The following CPD variants were observed in gnomAD, a reference collection of about 807,000 sequenced individuals.
CPD encodes the protein metallocarboxypeptidase D.
CPD carries 69 observed loss-of-function variants against 138.3 expected under a neutral mutation model. The observed-to-expected ratio is 0.50, with a 90% CI of 0.41 to 0.61. CPD has a LOEUF of 0.61. Ranked by LOEUF, CPD falls within the 20% of genes least tolerant of loss-of-function variation. CPD has a pLI of 0.00. For synonymous variants in CPD, 651 were observed against 642.1 expected, an observed-to-expected ratio of 1.01 and a Z score of -0.21; for missense variants, 1,432 against 1,733.3, an observed-to-expected ratio of 0.83 and a Z score of 3.09.
intron 17 of CPD, 48 bp downstream of exon 17, chr17:30,456,574 T>TG (rs1913303629): frequency 3.2e-6 from 5 of 1,571,692 alleles, no homozygotes; most frequent in Non-Finnish European, 4.4e-6. Context: ...CCAGGCACAA[T>TG]GCCGTATGTG....
rs182728132 is a variant in CPD at position 30,428,074 on chromosome 17, T to C, written c.2017+516T>C. ...TTAGTTCTGTTTTCTCCCTGAAGTTTAATAAACTCTTTTATGTAAATTTAG... is the reference window on the plus strand; with the variant it reads ...TTAGTTCTGTTTTCTCCCTGAAGTTCAATAAACTCTTTTATGTAAATTTAG... On this transcript the variant is annotated intron_variant, in intron 7 of 20. Transcript: ENST00000225719. Among the ~76,000 whole-genome samples the C allele has an allele frequency of 1.8e-4, 28 of 152,362 alleles. No individual in the cohort carries two copies. The East Asian group carries it at 4.4e-3, about 24-fold the overall frequency.
chr17:30,382,922 G>A (rs979841171), intron 1 of CPD, among the ~76,000 whole-genome samples: 2 of 152,104 alleles, frequency 1.3e-5, no homozygotes, highest in African/African-American at 4.8e-5. Context: ...ACGTCATTTG[G>A]CAAATAGTTG....
intron 2 of CPD, among the ~76,000 whole-genome samples, chr17:30,419,851 G>C (rs1192214794): frequency 2.6e-5 from 4 of 152,208 alleles, no homozygotes; most frequent in Non-Finnish European, 4.4e-5. Flanking sequence ...TGTAAGTGCT[G>C]AATTAACATG....
At chr17:30,393,403 T>C (rs1023551965) in intron 2 of CPD, among the ~76,000 whole-genome samples, 3 of 152,184 alleles carry the variant, frequency 2.0e-5, no homozygotes, top group Non-Finnish European at 4.4e-5. Context: ...GTATTTTCTG[T>C]GTCATTAAAT....
intron 2 of CPD, among the ~76,000 whole-genome samples, chr17:30,394,269 A>C (rs1349596561): frequency 1.3e-5 from 2 of 151,760 alleles, no homozygotes; most frequent in African/African-American, 4.8e-5. Flanking sequence ...TCAAGCCTAT[A>C]AGTTTAGCCT....
At chr17:30,385,466 C>G (rs1278493224) in intron 2 of CPD, among the ~76,000 whole-genome samples, 4 of 149,634 alleles carry the variant, frequency 2.7e-5, no homozygotes, top group Non-Finnish European at 6.0e-5. Context: ...GCCTCTCCCT[C>G]TCTCTTTTTC....
Position 30,379,667 on chromosome 17 carries a change from C to A in CPD, c.687C>A (p.Pro229=). The change falls in exon 1 of 21, where the codon CCC becomes CCA. Residue 229 remains proline (P), a synonymous_variant. Transcript: ENST00000225719. This position sits in a 1 kb window ranked among gnomAD's most constrained non-coding sequence, Gnocchi z 7.0. Reference sequence around the variant, plus strand: ...CCGACCAGTTTAGCACCGGCGAACCCCCCGCCCTGGACGAGGTGCCCGAGG... The same window carrying A: ...CCGACCAGTTTAGCACCGGCGAACCACCCGCCCTGGACGAGGTGCCCGAGG... ...SFPDQFSTGE[P]PALDEVPEVR... is the part of the protein sequence containing the mutation. 1 of 1,524,644 alleles carries A rather than the reference C, an allele frequency of 6.6e-7. No individual in the cohort carries two copies. Among genetic ancestry groups the A allele is most frequent in the Non-Finnish European group, 8.7e-7 (1 of 1,152,910 alleles). The allele number at this position is 1,524,644 out of a possible 1,614,324, so 94.4% of individuals were successfully genotyped here.
At chr17:30,383,684 C>G (rs1911110608) in intron 1 of CPD, among the ~76,000 whole-genome samples, 1 of 151,890 alleles carries the variant, frequency 6.6e-6, no homozygotes, top group Non-Finnish European at 1.5e-5. Context: ...TGGGATAATA[C>G]TACTCATCAT....
At chr17:30,404,681 G>A (rs1232661306) in intron 2 of CPD, among the ~76,000 whole-genome samples, 4 of 150,890 alleles carry the variant, frequency 2.7e-5, no homozygotes, top group African/African-American at 7.3e-5. Flanking sequence ...TTTTCACCCA[G>A]AAATGTTCTA....
At chr17:30,417,818 ATGCCATTTT>A (rs978523590) in intron 2 of CPD, among the ~76,000 whole-genome samples, 1 of 152,166 alleles carries the variant, frequency 6.6e-6, no homozygotes, top group Non-Finnish European at 1.5e-5. Context: ...AACAAATGAA[ATGCCATTTT>A]TTTTTATGCT....
intron 13 of CPD, among the ~76,000 whole-genome samples, 181 bp from the exon 14 acceptor site, chr17:30,451,530 T>G (rs1010797614): frequency 2.0e-5 from 3 of 152,242 alleles, no homozygotes; most frequent in Admixed American, 2.0e-4. Flanking sequence ...AGTAGTTTTT[T>G]GCTTATTTTT....
chr17:30,385,230 G>A lies in CPD; in HGVS notation c.988G>A (p.Val330Met). 1 of 1,613,992 alleles carries A rather than the reference G, an allele frequency of 6.2e-7. No homozygotes were observed. The highest frequency in any genetic ancestry group is 1.1e-5 in the South Asian group (1 of 91,068). Residue 330 changes from valine (V) to methionine (M), a missense_variant, in exon 2 of 21, where the codon GTG becomes ATG. By Grantham distance (21) the Val-to-Met change is conservative. This residue lies in a region of CPD where 484 missense variants were observed against 477.2 expected (regional missense o/e 1.01). Coordinates refer to ENST00000225719, the MANE Select transcript of CPD (RefSeq NM_001304.5). Reference sequence around the variant, plus strand: ...CACAAACGGCGCACATTGGTATGATGTGGAAGGTATGCAAAGCATTGAGTT... The same window carrying A: ...CACAAACGGCGCACATTGGTATGATATGGAAGGTATGCAAAGCATTGAGTT... ...GITNGAHWYDVEGGMQDYNYV... is the reference protein window; with the variant it reads ...GITNGAHWYDMEGGMQDYNYV...
chr17:30,429,940 CA>C, intron 7 of CPD, among the ~76,000 whole-genome samples: 1 of 152,234 alleles, frequency 6.6e-6, no homozygotes, highest in South Asian at 2.1e-4. Context: ...TAATTTTAGG[CA>C]GAAAGAGGGA....
intron 14 of CPD, 119 bp downstream of exon 14, chr17:30,451,965 G>A (rs1467118674): frequency 1.1e-6 from 1 of 935,710 alleles, no homozygotes; most frequent in Non-Finnish European, 1.5e-6. Flanking sequence ...GGTTATGAAT[G>A]TGAGGTATAA....
At chr17:30,448,415 A>G (rs1333663455) in intron 12 of CPD, among the ~76,000 whole-genome samples, 1 of 152,142 alleles carries the variant, frequency 6.6e-6, no homozygotes, top group Non-Finnish European at 1.5e-5. Context: ...AGTTGATTTA[A>G]TTTTTTTAAC....
rs754799846 is a variant in CPD, at chr17:30,378,968, G to T, written c.-13G>T. 4.0e-5 allele frequency: 60 copies of T among 1,501,408 alleles called. No individual in the cohort carries two copies. The highest frequency in any genetic ancestry group is 4.9e-5 in the Non-Finnish European group (56 of 1,137,626). The allele number at this position is 1,501,408 out of a possible 1,614,324, so 93.0% of individuals were successfully genotyped here. On this transcript the variant is annotated 5_prime_UTR_variant, in exon 1 of 21. Coordinates refer to ENST00000225719, the MANE Select transcript of CPD (RefSeq NM_001304.5). ...CGCGGGAGCGGAGCCGGGGTTAGCG[G>T]CGCTGCTGGAAGATGGCGAGCGGCC...
chr17:30,467,435 T>G lies in CPD; in HGVS notation c.*2621T>G, dbSNP rs753974398. 3 of 152,184 alleles carry G rather than the reference T, an allele frequency of 2.0e-5. No homozygotes were observed. Among genetic ancestry groups the G allele is most frequent in the Non-Finnish European group, 4.4e-5 (3 of 68,022 alleles). The allele number at this position is 152,184 out of a possible 1,614,324, so 9.4% of individuals were successfully genotyped here. A position where few individuals can be genotyped will look rare whatever the true frequency, so the allele number is the denominator to read the frequency against. ...AAGTCATTTCAGAAAGAAAGACCCT[T>G]CAGTTTTGATGCATTTTGCTGAACA... On this transcript the variant is annotated 3_prime_UTR_variant, in exon 21 of 21. Coordinates refer to ENST00000225719, the MANE Select transcript of CPD (RefSeq NM_001304.5).
At chr17:30,438,418 A>G (rs952064980) in intron 8 of CPD, among the ~76,000 whole-genome samples, 2 of 152,134 alleles carry the variant, frequency 1.3e-5, no homozygotes, top group Non-Finnish European at 2.9e-5. Flanking sequence ...TGTATGCTAG[A>G]TGCTGAGGAC....
chr17:30,420,749 A>C, intron 2 of CPD, 92 bp from the exon 3 acceptor site: 1 of 1,147,196 alleles, frequency 8.7e-7, no homozygotes, highest in South Asian at 1.9e-5. Context: ...GAAAATTTAT[A>C]CATCCAGAGA....
Sources: gnomAD v4.1 joint callset for allele counts (sites outside exome capture counted in the v4.1 genomes callset) on GRCh38, gnomAD v4.1.1 for gene constraint, gnomAD v4.1.1 regional missense constraint, Gnocchi (gnomAD v3.1) non-coding constraint, MANE v1.5 for transcripts, NCBI Gene and HGNC (gene_info 2026-07-23, HGNC 2026-07-21) for gene names.